The following SYN2 variants were observed in gnomAD, a reference collection of about 807,000 sequenced individuals.
SYN2 encodes synapsin-2.
A neutral mutation model predicts 50.9 loss-of-function variants in SYN2; 19 were observed. That is an observed-to-expected ratio of 0.37 (90% CI 0.26 to 0.55). The LOEUF (loss-of-function observed/expected upper bound fraction) is 0.55, where lower values mean the gene tolerates loss of function less well. Ranked by LOEUF, SYN2 falls within the 20% of genes least tolerant of loss-of-function variation. SYN2 has a pLI of 0.81. For synonymous variants in SYN2, 255 were observed against 224.9 expected (o/e 1.13, Z -1.20); for missense variants, 587 against 576.4 (o/e 1.02, Z -0.19).
At chr3:12,139,722 C>T (rs1442916401) in intron 1 of SYN2, among the ~76,000 whole-genome samples, 1 of 152,036 alleles carries the variant, frequency 6.6e-6, no homozygotes, top group African/African-American at 2.4e-5. Context: ...TGAAATATTA[C>T]AGTTGGAAAT....
chr3:12,019,050 T>G (rs1694076825), intron 1 of SYN2, among the ~76,000 whole-genome samples: 1 of 152,254 alleles, frequency 6.6e-6, no homozygotes, highest in Non-Finnish European at 1.5e-5. Flanking sequence ...ATGCCTCTTA[T>G]TCTCTGTCTG....
At chr3:12,050,768 G>A (rs383055) in intron 1 of SYN2, among the ~76,000 whole-genome samples, 4 of 110,602 alleles carry the variant, frequency 3.6e-5, no homozygotes, top group East Asian at 3.1e-4. Flanking sequence ...TCGCTCTGTC[G>A]CCCAGGCCGG....
At chr3:12,153,864 C>A in intron 5 of SYN2, 1 of 866,282 alleles carries the variant, frequency 1.2e-6, no homozygotes, top group Non-Finnish European at 1.8e-6. Context: ...CTGGATTCTC[C>A]TTCCCCAAGG....
chr3:12,096,726 C>T (rs1695942979), intron 1 of SYN2, among the ~76,000 whole-genome samples: 2 of 151,904 alleles, frequency 1.3e-5, no homozygotes, highest in African/African-American at 4.8e-5. Context: ...GTGTAACTCT[C>T]TCCATATATA....
chr3:12,067,576 A>G (rs307589), intron 1 of SYN2, among the ~76,000 whole-genome samples: 110,150 of 150,488 alleles, frequency 0.73, 40,585 homozygotes, highest in Admixed American at 0.8. Flanking sequence ...AATCATTTTC[A>G]TCTGCATATT....
At chr3:12,071,710 G>A (rs1695358157) in intron 1 of SYN2, 11 of 302,482 alleles carry the variant, frequency 3.6e-5, no homozygotes, top group South Asian at 3.3e-4. Context: ...AGCAGTATCC[G>A]ATCTGTGCAG....
chr3:12,169,070 G>A (rs1192209332), intron 9 of SYN2, among the ~76,000 whole-genome samples: 1 of 152,144 alleles, frequency 6.6e-6, no homozygotes, highest in Non-Finnish European at 1.5e-5. Flanking sequence ...CCCAAAGTAG[G>A]CTTCAAATTC....
chr3:12,155,740 C>G (rs565873059), intron 5 of SYN2, among the ~76,000 whole-genome samples: 3 of 152,316 alleles, frequency 2.0e-5, no homozygotes, highest in African/African-American at 7.2e-5. Flanking sequence ...GACTTGACCT[C>G]CCTGAAGGCA....
At chr3:12,153,086 C>T (rs1489487991) in intron 5 of SYN2, 2 of 235,892 alleles carry the variant, frequency 8.5e-6, no homozygotes, top group Non-Finnish European at 1.7e-5. Context: ...TTCATTCCTG[C>T]CAGTCAGCCT....
intron 1 of SYN2, among the ~76,000 whole-genome samples, chr3:12,088,524 C>A (rs1343955230): frequency 6.6e-6 from 1 of 152,106 alleles, no homozygotes; most frequent in Non-Finnish European, 1.5e-5. Context: ...ACTGTACAAT[C>A]CAGCTGTCCC....
chr3:12,123,639 A>G (rs774001592), intron 1 of SYN2, among the ~76,000 whole-genome samples: 16 of 152,154 alleles, frequency 1.1e-4, no homozygotes, highest in Non-Finnish European at 2.2e-4. Context: ...CACGAGGATA[A>G]GATGGAGACA....
intron 11 of SYN2, 27 bp from the exon 12 acceptor site, chr3:12,187,342 A>G (rs1011416665): frequency 1.3e-5 from 19 of 1,501,300 alleles, no homozygotes; most frequent in Non-Finnish European, 1.7e-5. Flanking sequence ...TGGTTAAATT[A>G]TGAAGTTTTT....
At position 12,114,991 on chromosome 3, in the gene SYN2, A is replaced by G. The variant is rs189689196; in HGVS notation, c.378-25660A>G. 1.3e-4 allele frequency among the ~76,000 whole-genome samples: 20 copies of G among 152,278 alleles called. No homozygotes were observed. The East Asian group carries it at 3.5e-3, about 26-fold the overall frequency. On this transcript the variant is annotated intron_variant, in intron 1 of 12. Coordinates refer to ENST00000621198, the MANE Select transcript of SYN2 (RefSeq NM_133625.6). ...ATGCCCCCAAGAAACTTGCCTTTCC[A>G]TCCCCAATGTTATCCCCAGTTGCTG... is the stretch of plus-strand genomic sequence containing the variant.
chr3:12,156,743 AC>A lies in SYN2; in HGVS notation c.775-4800del, dbSNP rs1697468043. 1.0e-5 allele frequency: 12 copies of A among 1,177,898 alleles called. No homozygotes were observed. The South Asian group carries it at 1.6e-4, about 15-fold the overall frequency. 73.0% of individuals were successfully genotyped at this position (1,177,898 alleles called of 1,614,324 possible). A position where few individuals can be genotyped will look rare whatever the true frequency, so the allele number is the denominator to read the frequency against. On this transcript the variant is annotated intron_variant, in intron 5 of 12. Transcript: ENST00000621198. The stretch of plus-strand genomic sequence containing the variant: ...TGGCTCAGCCTACTGCCCAAGGAAG[AC>A]CCTGGCTCCTTTCTCACTACCTCCC...
At position 12,135,176 on chromosome 3, in the gene SYN2, G is replaced by C. The variant is rs1337565035; in HGVS notation, c.378-5475G>C. 2.0e-5 allele frequency among the ~76,000 whole-genome samples: 3 copies of C among 152,334 alleles called. No individual in the cohort carries two copies. In the South Asian group the frequency reaches 6.2e-4, roughly 32 times the overall value. ...TCTGTGGCTATTCAGCCAGTGCAGT[G>C]AGTGGTGAGCTGTGACTGCAATCAG... On this transcript the variant is annotated intron_variant, in intron 1 of 12. Transcript: ENST00000621198.
At chr3:12,045,907 G>A (rs961456978) in intron 1 of SYN2, among the ~76,000 whole-genome samples, 3 of 152,220 alleles carry the variant, frequency 2.0e-5, no homozygotes, top group African/African-American at 7.2e-5. Context: ...GCATAGTGTA[G>A]TGGGTGAGAA....
chr3:12,017,816 A>T (rs1694055379), intron 1 of SYN2, among the ~76,000 whole-genome samples: 1 of 152,212 alleles, frequency 6.6e-6, no homozygotes, highest in Non-Finnish European at 1.5e-5. Context: ...CTAAAAAATG[A>T]TTTAGAAAAA....
chr3:12,022,075 G>A (rs953176492), intron 1 of SYN2, among the ~76,000 whole-genome samples: 1 of 123,880 alleles, frequency 8.1e-6, no homozygotes, highest in Admixed American at 8.6e-5. Flanking sequence ...AAGGCTCTGT[G>A]TCAAAAAAAA....
chr3:12,184,726 A>G, intron 11 of SYN2: 21 of 985,898 alleles, frequency 2.1e-5, no homozygotes, highest in Non-Finnish European at 2.5e-5. Context: ...CCCTCTGACA[A>G]GCAGCACCTG....
Sources: allele counts gnomAD v4.1 joint callset (sites outside exome capture counted in the v4.1 genomes callset), GRCh38; gene constraint gnomAD v4.1.1; transcripts MANE v1.5; gene names NCBI Gene and HGNC (gene_info 2026-07-23, HGNC 2026-07-21).